The following LRRC31 variants were observed in gnomAD, a reference collection of about 807,000 sequenced individuals.
LRRC31 encodes leucine-rich repeat-containing protein 31.
In LRRC31, 35 loss-of-function variants were observed where a neutral mutation model predicts 46.7. The observed-to-expected ratio is 0.75, with a 90% CI of 0.57 to 0.99. LRRC31 has a LOEUF of 0.99. Among genes scored for constraint, LRRC31 ranks in the 50% least tolerant of loss-of-function variants. The pLI is 0.00. For synonymous variants in LRRC31, 236 were observed against 235.1 expected (o/e 1.00, Z -0.03); for missense variants, 613 against 626.1 (o/e 0.98, Z 0.22).
In LRRC31 at chr3:169,851,745, A is replaced by T. The variant is rs779481010; in HGVS notation, c.1033T>A (p.Leu345Ile). Residue 345 changes from leucine to isoleucine, a missense_variant, in exon 7 of 9, where the codon TTA becomes ATA. Coordinates refer to ENST00000316428, the MANE Select transcript of LRRC31 (RefSeq NM_024727.4). The stretch of plus-strand genomic sequence containing the variant: ...CTGCCCATCTTTTTGTTGGCTGATA[A>T]ATCCAATTCTTGAAGATTTGAAAGT... ...PLLSNLQELD[L>I]SANKKMGSSS... 6.2e-7 allele frequency: 1 copy of T among 1,614,056 alleles called. No homozygotes were observed. Among genetic ancestry groups the T allele is most frequent in the Non-Finnish European group, 8.5e-7 (1 of 1,180,022 alleles).
intron 7 of LRRC31, among the ~76,000 whole-genome samples, 162 bp from the exon 8 acceptor site, chr3:169,848,449 T>G (rs1238457464): frequency 6.6e-6 from 1 of 152,146 alleles, no homozygotes; most frequent in East Asian, 1.9e-4. Flanking sequence ...CCTCAATTTA[T>G]GTTGTCTGTT....
chr3:169,856,841 T>C lies in LRRC31; in HGVS notation c.519A>G (p.Glu173=), dbSNP rs1419115095. The change falls in exon 4 of 9, where the codon GAA becomes GAG. Residue 173 remains glutamate, a synonymous_variant. Transcript: ENST00000316428. The part of the protein sequence containing the change: ...GEAFEMIPEL[E]ELNLSWNSKV... ...TACTGTTCCAAGACAAATTTAGCTC[T>C]TCAAGTTCAGGAATCATCTCAAATG... 1.9e-6 allele frequency: 3 copies of C among 1,610,434 alleles called. No individual in the cohort carries two copies. The Admixed American group carries it at 5.0e-5, about 27-fold the overall frequency.
rs191282651 is a variant in LRRC31 at position 169,847,274 on chromosome 3, C to T, written c.1327+846G>A. Among the ~76,000 whole-genome samples, 144 of 152,302 alleles carry T rather than the reference C, an allele frequency of 9.5e-4. 1 individual carries two copies. The highest frequency in any genetic ancestry group is 3.2e-3 in the African/African-American group (134 of 41,566). Reference sequence around the variant, plus strand: ...GATCTCAGCTCACTGCAACCTCGGCCGCCCAGGTTCAAGTGATTCTCCTGC... The same window carrying T: ...GATCTCAGCTCACTGCAACCTCGGCTGCCCAGGTTCAAGTGATTCTCCTGC... On this transcript the variant is annotated intron_variant, in intron 8 of 8. Transcript: ENST00000316428.
chr3:169,842,227 C>T (rs1204452692), intron 8 of LRRC31, among the ~76,000 whole-genome samples: 2 of 151,706 alleles, frequency 1.3e-5, no homozygotes, highest in African/African-American at 2.4e-5. Flanking sequence ...AAAATAAATG[C>T]CATTAATTAT....
intron 1 of LRRC31, among the ~76,000 whole-genome samples, chr3:169,866,233 G>A (rs143893198): frequency 2.0e-5 from 3 of 152,306 alleles, no homozygotes; most frequent in African/African-American, 7.2e-5. Flanking sequence ...AGCTATTGCT[G>A]TGGTCCAGGC....
chr3:169,842,996 C>T (rs951091159), intron 8 of LRRC31, among the ~76,000 whole-genome samples: 5 of 152,028 alleles, frequency 3.3e-5, no homozygotes, highest in Non-Finnish European at 7.3e-5. Flanking sequence ...TTAAGATTTC[C>T]ATTGTATCCC....
chr3:169,865,946 G>T (rs572946228), intron 1 of LRRC31, among the ~76,000 whole-genome samples: 3 of 152,246 alleles, frequency 2.0e-5, no homozygotes, highest in African/African-American at 7.2e-5. Context: ...GGCCAGTCCA[G>T]GGAATTATAA....
In LRRC31 at chr3:169,840,210, C is replaced by A; in HGVS notation, c.1431G>T (p.Val477=). ...DAGWTMFCQN[V]RFLKELIELD... Reference sequence around the variant, plus strand: ...GCTCGATTAGCTCTTTGAGGAACCGCACGTTTTGGCAGAACATGGTCCACC... The same window carrying A: ...GCTCGATTAGCTCTTTGAGGAACCGAACGTTTTGGCAGAACATGGTCCACC... The change falls in exon 9 of 9, where the codon GTG becomes GTT. Residue 477 remains valine (V), a synonymous_variant. Transcript: ENST00000316428. The A allele has an allele frequency of 6.2e-7, 1 of 1,614,132 alleles. No individual in the cohort carries two copies. The highest frequency in any genetic ancestry group is 8.5e-7 in the Non-Finnish European group (1 of 1,180,026).
intron 8 of LRRC31, among the ~76,000 whole-genome samples, chr3:169,847,384 C>T (rs1170041212): frequency 6.6e-6 from 1 of 152,166 alleles, no homozygotes; most frequent in East Asian, 1.9e-4. Flanking sequence ...GGGGTTTCTT[C>T]ATGTTGGTCA....
At chr3:169,853,636 G>C (rs1780855509) in intron 6 of LRRC31, 1 of 985,798 alleles carries the variant, frequency 1.0e-6, no homozygotes, top group Non-Finnish European at 1.2e-6. Context: ...AACCCATAAT[G>C]CTCCACGCAA....
In LRRC31 at chr3:169,860,550, A is replaced by G. The variant is rs1382776130; in HGVS notation, c.487+11T>C. The G allele has an allele frequency of 1.9e-6, 3 of 1,613,830 alleles. No individual in the cohort carries two copies. The highest frequency in any genetic ancestry group is 1.7e-5 in the Admixed American group (1 of 59,996). Reference sequence around the variant, plus strand: ...GCCGAATCCATCTTTTAAGAAATGCATTCATCATACCCAGTGCTTGAACAT... The same window carrying G: ...GCCGAATCCATCTTTTAAGAAATGCGTTCATCATACCCAGTGCTTGAACAT... On this transcript the variant is annotated intron_variant, in intron 3 of 8. Transcript: ENST00000316428.
At chr3:169,844,777 C>CA in intron 8 of LRRC31, among the ~76,000 whole-genome samples, 1 of 151,988 alleles carries the variant, frequency 6.6e-6, no homozygotes, top group East Asian at 1.9e-4. Context: ...ATTAAAAACA[C>CA]AAAAACTAGC....
rs762149725 is a variant in LRRC31, at chr3:169,856,736, G to C, written c.624C>G (p.Cys208Trp). Reference sequence around the variant, plus strand: ...ATGTCCCATCTTCTGACGTGAGGGAGCAATCCACAAGCTCAATCATTTGTA... The same window carrying C: ...ATGTCCCATCTTCTGACGTGAGGGACCAATCCACAAGCTCAATCATTTGTA... The part of the protein sequence containing the change: ...SKIQMIELVD[C>W]SLTSEDGTFL... Residue 208 changes from cysteine to tryptophan, a missense_variant, in exon 4 of 9, where the codon TGC (cysteine) becomes TGG (tryptophan). Physicochemically the swap from Cys to Trp is radical, Grantham distance 215. Coordinates refer to ENST00000316428, the MANE Select transcript of LRRC31 (RefSeq NM_024727.4). The C allele has an allele frequency of 3.8e-6, 6 of 1,597,142 alleles. No individual in the cohort carries two copies. The highest frequency in any genetic ancestry group is 3.5e-5 in the Admixed American group (2 of 57,840).
At chr3:169,858,177 G>A (rs1781029672) in intron 3 of LRRC31, among the ~76,000 whole-genome samples, 2 of 152,196 alleles carry the variant, frequency 1.3e-5, no homozygotes, top group Admixed American at 1.3e-4. Context: ...TAGAGTATGG[G>A]TGATAGGTAA....
intron 8 of LRRC31, among the ~76,000 whole-genome samples, chr3:169,844,930 C>CAAAAAA (rs59099192): frequency 4.1e-4 from 41 of 99,502 alleles, no homozygotes; most frequent in South Asian, 2.2e-3. Flanking sequence ...GACTCCATCT[C>CAAAAAA]AAAAAAAAAA....
At chr3:169,868,412 T>G (rs1197037556) in intron 1 of LRRC31, among the ~76,000 whole-genome samples, 5 of 152,208 alleles carry the variant, frequency 3.3e-5, no homozygotes, top group Non-Finnish European at 7.3e-5. Context: ...CACCCCCATC[T>G]AAATAGCACC....
intron 3 of LRRC31, among the ~76,000 whole-genome samples, chr3:169,857,345 T>TATATATATACACAC (rs1491209579): frequency 3.6e-4 from 32 of 89,426 alleles, no homozygotes; most frequent in African/African-American, 1.3e-3. Context: ...TATATATATA[T>TATATATATACACAC]ACACACACAC....
chr3:169,852,121 G>A (rs922420624), intron 6 of LRRC31, among the ~76,000 whole-genome samples: 2 of 151,968 alleles, frequency 1.3e-5, no homozygotes, highest in African/African-American at 4.8e-5. Flanking sequence ...CTCTCGGCAG[G>A]GCACAGTGGC....
chr3:169,868,071 A>G (rs965186070), intron 1 of LRRC31, among the ~76,000 whole-genome samples: 1 of 152,248 alleles, frequency 6.6e-6, no homozygotes, highest in Non-Finnish European at 1.5e-5. Flanking sequence ...TTCTAGAAGT[A>G]GGATCACAGC....
Sources: allele counts gnomAD v4.1 joint callset (sites outside exome capture counted in the v4.1 genomes callset), GRCh38; gene constraint gnomAD v4.1.1; transcripts MANE v1.5; gene names NCBI Gene and HGNC (gene_info 2026-07-23, HGNC 2026-07-21).